The following HMGCLL1 variants were observed in gnomAD, a reference collection of about 807,000 sequenced individuals.
HMGCLL1 encodes 3-hydroxy-3-methylglutaryl-CoA lyase like 1.
Under a neutral mutation model 39.1 loss-of-function variants are expected in HMGCLL1, and 36 were observed. The ratio of observed to expected loss-of-function variants is 0.92; its 90% CI spans 0.71 to 1.22. HMGCLL1 has a LOEUF of 1.22. HMGCLL1 is among the 50% of genes most tolerant of loss of function. HMGCLL1 has a pLI of 0.00. For synonymous variants in HMGCLL1, 149 were observed against 144.0 expected (o/e 1.03, Z -0.25); for missense variants, 451 against 416.5 (o/e 1.08, Z -0.72).
chr6:55,479,710 T>G (rs2127412124), intron 7 of HMGCLL1, among the ~76,000 whole-genome samples: 1 of 151,866 alleles, frequency 6.6e-6, no homozygotes, highest in African/African-American at 2.4e-5. Flanking sequence ...GACTTCAGTA[T>G]GTGAAAGCCT....
At chr6:55,626,706 G>T in the HMGCLL1 span, among the ~76,000 whole-genome samples, 1 of 151,970 alleles carries the variant, frequency 6.6e-6, no homozygotes, top group Non-Finnish European at 1.5e-5. Flanking sequence ...AAGTTCCAGA[G>T]ACAGGAACAT....
intron 5 of HMGCLL1, among the ~76,000 whole-genome samples, chr6:55,500,119 G>A (rs1404228738): frequency 6.6e-6 from 1 of 152,032 alleles, no homozygotes; most frequent in Non-Finnish European, 1.5e-5. Context: ...GAAGCAAGCT[G>A]CATAAAAGGG....
intron 3 of HMGCLL1, among the ~76,000 whole-genome samples, chr6:55,537,099 T>TG (rs915682699): frequency 2.1e-4 from 4 of 19,452 alleles, no homozygotes; most frequent in African/African-American, 4.9e-4. Context: ...CTTCATAAGA[T>TG]TTTTTTTCCA....
chr6:55,611,253 T>A, the HMGCLL1 span, among the ~76,000 whole-genome samples: 599 of 152,246 alleles, frequency 3.9e-3, 4 homozygotes, highest in African/African-American at 0.013. Flanking sequence ...TGGAATGCAG[T>A]TAGAACAGTG....
At chr6:55,541,642 TATATC>T (rs1385732705) in intron 3 of HMGCLL1, 82 bp downstream of exon 3, 2 of 680,914 alleles carry the variant, frequency 2.9e-6, no homozygotes, top group African/African-American at 3.7e-5. Context: ...AATTAGTAAT[TATATC>T]AAGTTAATAT....
At chr6:55,495,957 G>C (rs959626351) in intron 6 of HMGCLL1, among the ~76,000 whole-genome samples, 1 of 152,048 alleles carries the variant, frequency 6.6e-6, no homozygotes, top group African/African-American at 2.4e-5. Flanking sequence ...AAGCATTACA[G>C]ATCTACTTTG....
At chr6:55,650,014 G>A in the HMGCLL1 span, among the ~76,000 whole-genome samples, 2 of 139,048 alleles carry the variant, frequency 1.4e-5, no homozygotes, top group African/African-American at 5.2e-5. Context: ...GAATTTATTT[G>A]AGTTTCCTCA....
the HMGCLL1 span, among the ~76,000 whole-genome samples, chr6:55,658,139 T>G: frequency 2.0e-5 from 3 of 151,966 alleles, no homozygotes; most frequent in Non-Finnish European, 4.4e-5. Context: ...TCCCATTTAC[T>G]GAGCTGAGGA....
chr6:55,620,070 T>TA, the HMGCLL1 span, among the ~76,000 whole-genome samples: 23 of 152,312 alleles, frequency 1.5e-4, no homozygotes, highest in Middle Eastern at 6.8e-3. Context: ...CTCCTTTTTT[T>TA]ATTATCCATT....
intron 7 of HMGCLL1, among the ~76,000 whole-genome samples, chr6:55,480,993 C>T (rs913988308): frequency 2.0e-5 from 3 of 151,420 alleles, no homozygotes; most frequent in South Asian, 4.2e-4. Context: ...AGGGTAATGT[C>T]GTAAGGAGTG....
At chr6:55,638,395 G>A in the HMGCLL1 span, among the ~76,000 whole-genome samples, 3 of 120,508 alleles carry the variant, frequency 2.5e-5, no homozygotes, top group South Asian at 6.0e-4. Context: ...CAACAAGAGC[G>A]AAACTCAGTC....
At chr6:55,465,446 A>G (rs1037995771) in intron 7 of HMGCLL1, among the ~76,000 whole-genome samples, 11 of 151,986 alleles carry the variant, frequency 7.2e-5, no homozygotes, top group African/African-American at 2.7e-4. Context: ...ATTCCTAATT[A>G]TTTTTTATCA....
At chr6:55,442,102 A>G (rs982252819) in intron 7 of HMGCLL1, among the ~76,000 whole-genome samples, 6 of 152,188 alleles carry the variant, frequency 3.9e-5, no homozygotes, top group Non-Finnish European at 5.9e-5. Flanking sequence ...TATAATATCA[A>G]TATAAATTAT....
intron 7 of HMGCLL1, among the ~76,000 whole-genome samples, chr6:55,472,223 A>G (rs1482557989): frequency 6.6e-6 from 1 of 151,654 alleles, no homozygotes; most frequent in Admixed American, 6.6e-5. Context: ...GGTGGCACCA[A>G]TTTAAACTCC....
At chr6:55,620,149 G>A in the HMGCLL1 span, among the ~76,000 whole-genome samples, 1 of 152,024 alleles carries the variant, frequency 6.6e-6, no homozygotes, top group Non-Finnish European at 1.5e-5. Context: ...AGTAAACATA[G>A]GAGTACAGAT....
chr6:55,617,921 T>C, the HMGCLL1 span, among the ~76,000 whole-genome samples: 1 of 152,100 alleles, frequency 6.6e-6, no homozygotes, highest in Admixed American at 6.6e-5. Context: ...TTATGCTATG[T>C]TCATACAATG....
chr6:55,675,500 T>C, the HMGCLL1 span, among the ~76,000 whole-genome samples: 34 of 152,302 alleles, frequency 2.2e-4, no homozygotes, highest in African/African-American at 8.2e-4. Context: ...TCAAACTGAC[T>C]GAAATGTCAA....
chr6:55,501,828 A>C (rs1011345906), intron 5 of HMGCLL1, among the ~76,000 whole-genome samples: 2 of 151,838 alleles, frequency 1.3e-5, no homozygotes, highest in African/African-American at 4.8e-5. Flanking sequence ...TGCTCTACTG[A>C]TTCCCTTGTG....
intron 1 of HMGCLL1, among the ~76,000 whole-genome samples, chr6:55,546,112 G>A (rs9475346): frequency 0.22 from 33,695 of 152,004 alleles, 3,906 homozygotes; most frequent in Admixed American, 0.27. Flanking sequence ...GGCAATCAGT[G>A]CCTTGCTAAT....
Sources: allele counts gnomAD v4.1 joint callset (sites outside exome capture counted in the v4.1 genomes callset), GRCh38; gene constraint gnomAD v4.1.1; transcripts MANE v1.5; gene names NCBI Gene and HGNC (gene_info 2026-07-23, HGNC 2026-07-21).